DHX15: variants seen among roughly 807,000 people sequenced by gnomAD.
The protein encoded by DHX15 is DEAH-box helicase 15, also known as ATP-dependent RNA helicase DHX15.
Under a neutral mutation model 94.4 loss-of-function variants are expected in DHX15, and 11 were observed. The observed-to-expected ratio is 0.12, with a 90% confidence interval of 0.07 to 0.19. The LOEUF is 0.19. Among genes scored for constraint, DHX15 ranks in the 10% least tolerant of loss-of-function variants. The probability of loss-of-function intolerance (pLI) is 1.00; values close to 1 mark genes in which losing one functional copy is unlikely to be tolerated. For missense variants in DHX15, 304 were observed against 988.5 expected, an observed-to-expected ratio of 0.31 and a Z score of 9.29; for synonymous variants, 338 against 329.9, an observed-to-expected ratio of 1.02 and a Z score of -0.27.
intron 2 of DHX15, among the ~76,000 whole-genome samples, chr4:24,571,129 A>G (rs529748487): frequency 6.6e-6 from 1 of 152,230 alleles, no homozygotes; most frequent in East Asian, 1.9e-4. Context: ...ATGCAATTTT[A>G]AAAAATCCAA....
At chr4:24,547,901 GTGTATATA>G (rs1466520731) in intron 6 of DHX15, among the ~76,000 whole-genome samples, 25 of 14,180 alleles carry the variant, frequency 1.8e-3, no homozygotes, top group South Asian at 3.8e-3. Flanking sequence ...ATGTATGTAT[GTGTATATA>G]TATATATATA....
intron 12 of DHX15, among the ~76,000 whole-genome samples, chr4:24,532,627 G>A (rs559068593): frequency 7.9e-5 from 12 of 152,216 alleles, no homozygotes; most frequent in East Asian, 7.7e-4. Flanking sequence ...TTCTAAAAAC[G>A]ATTCCTGTAT....
At chr4:24,532,300 C>T (rs573328387) in intron 12 of DHX15, among the ~76,000 whole-genome samples, 94 of 152,246 alleles carry the variant, frequency 6.2e-4, no homozygotes, top group African/African-American at 2.1e-3. Flanking sequence ...TTTTGCAGTA[C>T]GCAAGGGTCT....
rs186530670 is a variant in DHX15 at position 24,577,353 on chromosome 4, T to C, written c.72-675A>G. Among the ~76,000 whole-genome samples the C allele has an allele frequency of 3.9e-5, 6 of 152,370 alleles. No homozygotes were observed. The East Asian group carries it at 1.2e-3, about 29-fold the overall frequency. On this transcript the variant is annotated intron_variant, in intron 1 of 13. Coordinates refer to ENST00000336812, the MANE Select transcript of DHX15 (RefSeq NM_001358.3). ...ACTGCAGAATTTGTTTTCTTAGTTA[T>C]ACTTTCCAGCACTTTCCCAATTTTG... is the stretch of plus-strand genomic sequence containing the variant.
At chr4:24,574,530 T>G (rs116282194) in intron 2 of DHX15, among the ~76,000 whole-genome samples, 3,131 of 152,236 alleles carry the variant, frequency 0.021, 61 homozygotes, top group Admixed American at 0.028. Context: ...AACTCATCTC[T>G]GAAATGAGGC....
At chr4:24,558,055 T>C (rs1721778132) in intron 3 of DHX15, among the ~76,000 whole-genome samples, 1 of 152,090 alleles carries the variant, frequency 6.6e-6, no homozygotes, top group South Asian at 2.1e-4. Flanking sequence ...TATTGCTCCA[T>C]TTCCCAGCCT....
chr4:24,561,065 T>C (rs915961260), intron 3 of DHX15, among the ~76,000 whole-genome samples: 1 of 152,170 alleles, frequency 6.6e-6, no homozygotes. Context: ...ACCCGAACAA[T>C]TTCACTTGTA....
chr4:24,572,752 C>G (rs906551469), intron 2 of DHX15, among the ~76,000 whole-genome samples: 14 of 152,054 alleles, frequency 9.2e-5, no homozygotes, highest in African/African-American at 3.4e-4. Flanking sequence ...TTCTAGGATC[C>G]CTGAAATGGT....
In DHX15 at chr4:24,570,722, C is replaced by T. The variant is rs1722104450; in HGVS notation, c.633G>A (p.Val211=). 2 of 1,614,044 alleles carry T rather than the reference C, an allele frequency of 1.2e-6. No individual in the cohort carries two copies. The highest frequency in any genetic ancestry group is 1.3e-5 in the African/African-American group (1 of 74,926). Residue 211 remains valine (V), a synonymous_variant, in exon 3 of 14, where the codon GTG becomes GTA. Coordinates refer to ENST00000336812, the MANE Select transcript of DHX15 (RefSeq NM_001358.3). ...AGTAACCAACTTCCTGGCCCAACAT[C>T]ACATCCATCTCATCAGCAACTCTCT... ...VAQRVADEMD[V]MLGQEVGYSI...
At position 24,550,094 on chromosome 4, in the gene DHX15, C is replaced by CAAAAAAAAAAAAAAAAAAAA. The variant is rs58459661; in HGVS notation, c.1081-1092_1081-1073dup. On this transcript the variant is annotated intron_variant, in intron 5 of 13. Transcript: ENST00000336812. ...GGGCAAAAAGAGGGAAACTCCGTCT[C>CAAAAAAAAAAAAAAAAAAAA]AAAAAAAAAAAAAAAAAAAAAAAAA... 4.2e-3 allele frequency among the ~76,000 whole-genome samples: 207 copies of CAAAAAAAAAAAAAAAAAAAA among 49,740 alleles called. 39 individuals carry two copies. Among genetic ancestry groups the CAAAAAAAAAAAAAAAAAAAA allele is most frequent in the Non-Finnish European group, 5.1e-3 (148 of 29,250 alleles). The allele number at this position is 49,740 out of a possible 152,430, so 32.6% of individuals were successfully genotyped here. A position where few individuals can be genotyped will look rare whatever the true frequency, so the allele number is the denominator to read the frequency against.
intron 2 of DHX15, among the ~76,000 whole-genome samples, chr4:24,575,869 AT>A (rs1722248481): frequency 6.6e-6 from 1 of 152,192 alleles, no homozygotes; most frequent in Admixed American, 6.5e-5. Flanking sequence ...TTGGCATTTC[AT>A]TTTTTGCATG....
chr4:24,529,912 C>A, intron 12 of DHX15, 142 bp from the exon 13 acceptor site: 2 of 855,746 alleles, frequency 2.3e-6, no homozygotes, highest in Non-Finnish European at 3.7e-6. Flanking sequence ...CTGATAAAAG[C>A]AGAGATAAGC....
intron 12 of DHX15, chr4:24,530,423 C>G (rs967062991): frequency 6.6e-6 from 1 of 152,124 alleles, no homozygotes; most frequent in Non-Finnish European, 1.5e-5. Context: ...ACTAAAAGTA[C>G]AAAAATTAGA....
intron 2 of DHX15, among the ~76,000 whole-genome samples, chr4:24,574,712 T>C (rs1218603562): frequency 6.6e-6 from 1 of 152,192 alleles, no homozygotes; most frequent in African/African-American, 2.4e-5. Flanking sequence ...TGCTCATCTG[T>C]AAAGTGGTGA....
chr4:24,554,606 C>A, intron 5 of DHX15, 119 bp downstream of exon 5: 1 of 740,226 alleles, frequency 1.4e-6, no homozygotes, highest in Non-Finnish European at 2.2e-6. Flanking sequence ...CATATTAATA[C>A]AATCAGGTTG....
chr4:24,575,454 A>G (rs1015063367), intron 2 of DHX15, among the ~76,000 whole-genome samples: 6 of 152,240 alleles, frequency 3.9e-5, no homozygotes, highest in Non-Finnish European at 7.3e-5. Flanking sequence ...CTTCTCACCC[A>G]CAGCAAGAAA....
Position 24,584,549 on chromosome 4 carries a change from G to A in DHX15, c.-156C>T. On this transcript the variant is annotated 5_prime_UTR_variant, in exon 1 of 14. Transcript: ENST00000336812. The stretch of plus-strand genomic sequence containing the variant: ...AACCAACAGCTAAAATGGCGGCGGC[G>A]ACGAGGGCTGGGCCTGCGCGCGCGC... 1.4e-6 allele frequency: 1 copy of A among 711,504 alleles called. No homozygotes were observed. Among genetic ancestry groups the A allele is most frequent in the Non-Finnish European group, 2.2e-6 (1 of 460,950 alleles). The allele number at this position is 711,504 out of a possible 1,614,324, so 44.1% of individuals were successfully genotyped here. A position where few individuals can be genotyped will look rare whatever the true frequency, so the allele number is the denominator to read the frequency against.
intron 4 of DHX15, among the ~76,000 whole-genome samples, chr4:24,555,804 G>C (rs540291998): frequency 6.6e-6 from 1 of 152,136 alleles, no homozygotes; most frequent in Admixed American, 6.5e-5. Context: ...AGTAATACAC[G>C]AGGGTAAGTG....
At position 24,584,261 on chromosome 4, in the gene DHX15, C is replaced by G. The variant is rs923846446; in HGVS notation, c.71+62G>C. The G allele has an allele frequency of 2.1e-5, 32 of 1,528,694 alleles. No homozygotes were observed. In the South Asian group the frequency reaches 3.4e-4, roughly 16 times the overall value. 94.7% of individuals were successfully genotyped at this position (1,528,694 alleles called of 1,614,324 possible). On this transcript the variant is annotated intron_variant, in intron 1 of 13. Coordinates refer to ENST00000336812, the MANE Select transcript of DHX15 (RefSeq NM_001358.3). ...CCGCTCGGCCAGGCCAGCCCCGGCC[C>G]GCTCCCTGCCAGGACCCCAACAAAG...
Sources: gnomAD v4.1 joint callset for allele counts (sites outside exome capture counted in the v4.1 genomes callset) on GRCh38, gnomAD v4.1.1 for gene constraint, MANE v1.5 for transcripts, NCBI Gene and HGNC (gene_info 2026-07-23, HGNC 2026-07-21) for gene names.